ITGA4: variants seen among roughly 807,000 people sequenced by gnomAD.
ITGA4 encodes the protein integrin alpha-4.
A neutral mutation model predicts 133.6 loss-of-function variants in ITGA4; 63 were observed. The observed-to-expected ratio is 0.47, with a 90% CI of 0.38 to 0.58. The LOEUF (loss-of-function observed/expected upper bound fraction) is 0.58, where lower values mean the gene tolerates loss of function less well. ITGA4 is among the 20% of genes least tolerant of loss of function. ITGA4 has a pLI of 0.00. For synonymous variants in ITGA4, 483 were observed against 438.0 expected (o/e 1.10, Z -1.28); for missense variants, 1,076 against 1,252.7 (o/e 0.86, Z 2.13).
chr2:181,525,342 CCTTG>C (rs747291352), intron 21 of ITGA4, 51 bp downstream of exon 21: 93 of 965,106 alleles, frequency 9.6e-5, no homozygotes, highest in Non-Finnish European at 1.4e-4. Context: ...TTTACAGTTT[CCTTG>C]CTTCTTACAT....
Position 181,538,233 on chromosome 2 carries a change from C to CTT in ITGA4, c.*2707_*2708dup, listed in dbSNP as rs763038313. The CTT allele has an allele frequency of 6.3e-7, 1 of 1,583,032 alleles. No individual in the cohort carries two copies. The highest frequency in any genetic ancestry group is 1.1e-5 in the South Asian group (1 of 90,312). ...GCTTCCTCCATAAAGACTGATAAGT[C>CTT]TTGGATGCAATCTGTAAAGAAAATA... On this transcript the variant is annotated 3_prime_UTR_variant, in exon 28 of 28. Transcript: ENST00000397033.
At position 181,535,593 on chromosome 2, in the gene ITGA4, C is replaced by T. The variant is rs1358517777; in HGVS notation, c.*66C>T. 36 of 1,518,192 alleles carry T rather than the reference C, an allele frequency of 2.4e-5. No individual in the cohort carries two copies. The Middle Eastern group carries it at 5.4e-4, about 23-fold the overall frequency. 94.0% of individuals were successfully genotyped at this position (1,518,192 alleles called of 1,614,324 possible). A position where few individuals can be genotyped will look rare whatever the true frequency, so the allele number is the denominator to read the frequency against. ...TTGTAGTAAAGAAATTTAAAAGACACTGTTTACAAGAAAAAATGAATTTTG... is the reference window on the plus strand; with the variant it reads ...TTGTAGTAAAGAAATTTAAAAGACATTGTTTACAAGAAAAAATGAATTTTG... On this transcript the variant is annotated 3_prime_UTR_variant, in exon 28 of 28. Coordinates refer to ENST00000397033, the MANE Select transcript of ITGA4 (RefSeq NM_000885.6).
intron 2 of ITGA4, among the ~76,000 whole-genome samples, chr2:181,467,679 A>G (rs1685452701): frequency 6.6e-6 from 1 of 152,178 alleles, no homozygotes; most frequent in Admixed American, 6.5e-5. Context: ...TATATTTTAT[A>G]TATTTTCAGC....
chr2:181,504,829 T>C (rs556340365), intron 15 of ITGA4, among the ~76,000 whole-genome samples: 5 of 152,080 alleles, frequency 3.3e-5, no homozygotes, highest in South Asian at 2.1e-4. Context: ...GTATAATGGT[T>C]AGGGCATTTG....
chr2:181,497,820 T>C (rs1440940974), intron 14 of ITGA4, among the ~76,000 whole-genome samples: 1 of 152,102 alleles, frequency 6.6e-6, no homozygotes, highest in Admixed American at 6.6e-5. Flanking sequence ...ATGAAATGGT[T>C]CTCACTTTCT....
At chr2:181,517,391 G>A (rs1261157056) in intron 17 of ITGA4, among the ~76,000 whole-genome samples, 1 of 152,006 alleles carries the variant, frequency 6.6e-6, no homozygotes, top group Non-Finnish European at 1.5e-5. Context: ...AAAAAACATA[G>A]AGCCTGGTGC....
In ITGA4 at chr2:181,516,306, T is replaced by C. The variant is rs189400223; in HGVS notation, c.1922+4531T>C. ...CTTTTAATTGCAAGTTTTAGAGTAATTAACTAATAGTGACTTAAACAATAA... is the reference window on the plus strand; with the variant it reads ...CTTTTAATTGCAAGTTTTAGAGTAACTAACTAATAGTGACTTAAACAATAA... On this transcript the variant is annotated intron_variant, in intron 17 of 27. Coordinates refer to ENST00000397033, the MANE Select transcript of ITGA4 (RefSeq NM_000885.6). This position sits in a 1 kb window ranked among gnomAD's most constrained non-coding sequence, Gnocchi z 4.0. Among the ~76,000 whole-genome samples, 138 of 152,202 alleles carry C rather than the reference T, an allele frequency of 9.1e-4. No individual in the cohort carries two copies. Among genetic ancestry groups the C allele is most frequent in the African/African-American group, 3.0e-3 (126 of 41,540 alleles).
At position 181,523,267 on chromosome 2, in the gene ITGA4, CAT is replaced by C. The variant is rs1486318858; in HGVS notation, c.2074-167_2074-166del. ...ACATACATATATACACACATGCACACATATTTATATCATATGTCTATTTATCT... is the reference window on the plus strand; with the variant it reads ...ACATACATATATACACACATGCACACATTTATATCATATGTCTATTTATCT... On this transcript the variant is annotated intron_variant, in intron 18 of 27. Coordinates refer to ENST00000397033, the MANE Select transcript of ITGA4 (RefSeq NM_000885.6). This position sits in a 1 kb window ranked among gnomAD's most constrained non-coding sequence, Gnocchi z 4.2. 1.7e-5 allele frequency: 9 copies of C among 532,736 alleles called. No homozygotes were observed. The highest frequency in any genetic ancestry group is 8.4e-5 in the South Asian group (4 of 47,742). The allele number at this position is 532,736 out of a possible 1,614,324, so 33.0% of individuals were successfully genotyped here.
intron 4 of ITGA4, chr2:181,475,768 G>A: frequency 6.4e-7 from 1 of 1,558,966 alleles, no homozygotes; most frequent in East Asian, 2.3e-5. Flanking sequence ...AGCAGCAAGA[G>A]ATTCGTGTCT....
At chr2:181,528,362 A>C (rs1686875485) in intron 22 of ITGA4, among the ~76,000 whole-genome samples, 2 of 152,238 alleles carry the variant, frequency 1.3e-5, no homozygotes, top group Non-Finnish European at 2.9e-5. Flanking sequence ...TGCTTTGATA[A>C]ACTAAAACAG....
In ITGA4 at chr2:181,495,428, A is replaced by G; in HGVS notation, c.1385+12A>G. The G allele has an allele frequency of 6.3e-7, 1 of 1,591,022 alleles. No individual in the cohort carries two copies. The highest frequency in any genetic ancestry group is 8.6e-7 in the Non-Finnish European group (1 of 1,159,342). On this transcript the variant is annotated intron_variant, in intron 13 of 27. Coordinates refer to ENST00000397033, the MANE Select transcript of ITGA4 (RefSeq NM_000885.6). The surrounding 1 kb of genome is among the most constrained non-coding windows in gnomAD (Gnocchi z 4.3). ...GCTGTCTTGCTAAGGTAAGACTGATATATTTCACTGCTTAATTGCAATTTG... is the reference window on the plus strand; with the variant it reads ...GCTGTCTTGCTAAGGTAAGACTGATGTATTTCACTGCTTAATTGCAATTTG...
intron 15 of ITGA4, among the ~76,000 whole-genome samples, chr2:181,507,255 C>G (rs528553492): frequency 6.4e-4 from 98 of 152,214 alleles, no homozygotes; most frequent in African/African-American, 2.3e-3. Flanking sequence ...GTGAACTGCT[C>G]TCTCATATCC....
rs780134911 is a variant in ITGA4, at chr2:181,535,431, G to A, written c.3004-1G>A. On this transcript the variant is annotated splice_acceptor_variant, in intron 27 of 27. Transcript: ENST00000397033. LOFTEE classifies it high-confidence loss of function. Reference sequence around the variant, plus strand: ...TAGTGATTATGTTATGCTATTTTCAGGCTGGCTTCTTTAAAAGACAATACA... The same window carrying A: ...TAGTGATTATGTTATGCTATTTTCAAGCTGGCTTCTTTAAAAGACAATACA... The A allele has an allele frequency of 6.2e-7, 1 of 1,602,524 alleles. No individual in the cohort carries two copies. The highest frequency in any genetic ancestry group is 2.2e-5 in the East Asian group (1 of 44,632).
intron 2 of ITGA4, among the ~76,000 whole-genome samples, chr2:181,471,476 C>T (rs1416062287): frequency 6.6e-6 from 1 of 152,184 alleles, no homozygotes; most frequent in Non-Finnish European, 1.5e-5. Context: ...CCACAATTTC[C>T]TCTGAGTGAT....
At chr2:181,458,583 A>G in intron 2 of ITGA4, 2 of 457,306 alleles carry the variant, frequency 4.4e-6, no homozygotes, top group Non-Finnish European at 8.1e-6. Context: ...CCTTCTCTTC[A>G]TCTCTCCCCG....
chr2:181,468,330 C>G (rs1685469418), intron 2 of ITGA4, among the ~76,000 whole-genome samples: 1 of 152,104 alleles, frequency 6.6e-6, no homozygotes, highest in Admixed American at 6.5e-5. Flanking sequence ...GAGAAAAGAC[C>G]TCTCCAAAGC....
intron 10 of ITGA4, among the ~76,000 whole-genome samples, chr2:181,490,054 G>A (rs910263165): frequency 6.6e-6 from 1 of 152,096 alleles, no homozygotes; most frequent in East Asian, 1.9e-4. Context: ...ACTGGGGGCT[G>A]CATGCACCGG....
At chr2:181,463,584 G>A (rs1685339898) in intron 2 of ITGA4, among the ~76,000 whole-genome samples, 1 of 152,124 alleles carries the variant, frequency 6.6e-6, no homozygotes, top group Admixed American at 6.6e-5. Context: ...TGTTACTGAA[G>A]TTTCTAATTT....
chr2:181,502,578 TGTG>T (rs1338777931), intron 15 of ITGA4, among the ~76,000 whole-genome samples: 4 of 152,088 alleles, frequency 2.6e-5, no homozygotes, highest in African/African-American at 7.2e-5. Flanking sequence ...GCTGGGTAGA[TGTG>T]GTGATGGGGA....
Sources: gnomAD v4.1 joint callset for allele counts (sites outside exome capture counted in the v4.1 genomes callset) on GRCh38, gnomAD v4.1.1 for gene constraint, Gnocchi (gnomAD v3.1) non-coding constraint, MANE v1.5 for transcripts, NCBI Gene and HGNC (gene_info 2026-07-23, HGNC 2026-07-21) for gene names.